The following STK10 variants were observed in gnomAD, a reference collection of about 807,000 sequenced individuals.
The protein encoded by STK10 is serine/threonine-protein kinase 10.
A neutral mutation model predicts 113.8 loss-of-function variants in STK10; 78 were observed. The ratio of observed to expected loss-of-function variants is 0.69; its 90% CI spans 0.57 to 0.83. The LOEUF (loss-of-function observed/expected upper bound fraction) is 0.83, where lower values mean the gene tolerates loss of function less well. Ranked by LOEUF, STK10 falls within the 40% of genes least tolerant of loss-of-function variation. STK10 has a pLI of 0.00. For missense variants in STK10, 1,109 were observed against 1,280.1 expected (o/e 0.87, Z 2.04); for synonymous variants, 465 against 494.7 (o/e 0.94, Z 0.80).
intron 16 of STK10, 124 bp downstream of exon 16, chr5:172,055,464 A>G (rs1767726858): frequency 1.9e-6 from 2 of 1,049,592 alleles, no homozygotes; most frequent in Non-Finnish European, 2.5e-6. Flanking sequence ...TGTTGGGATT[A>G]CAGACGTGAG....
At chr5:172,182,797 C>T (rs1043911923) in intron 1 of STK10, among the ~76,000 whole-genome samples, 34 of 152,004 alleles carry the variant, frequency 2.2e-4, no homozygotes, top group African/African-American at 8.2e-4. Flanking sequence ...CATGATCCAC[C>T]CAATTCAGCC....
At chr5:172,056,999 A>AGAG (rs1561790242) in intron 15 of STK10, 3 of 79,606 alleles carry the variant, frequency 3.8e-5, no homozygotes, top group African/African-American at 1.0e-4. Context: ...AAGAAAGAGA[A>AGAG]AGAAGGAAAG....
At chr5:172,057,009 G>GA (rs1491554887) in intron 15 of STK10, 49 of 121,924 alleles carry the variant, frequency 4.0e-4, no homozygotes, top group Non-Finnish European at 7.4e-4. Context: ...AAGAAGGAAA[G>GA]AAAGAAAGAA....
chr5:172,056,106 A>C (rs1767747895), intron 15 of STK10, among the ~76,000 whole-genome samples: 1 of 152,208 alleles, frequency 6.6e-6, no homozygotes, highest in Admixed American at 6.5e-5. Flanking sequence ...ATATGAACTT[A>C]TATTTTAAAA....
intron 2 of STK10, 41 bp downstream of exon 2, chr5:172,156,583 C>T (rs1471248807): frequency 6.9e-6 from 11 of 1,590,130 alleles, no homozygotes; most frequent in Admixed American, 1.7e-5. Context: ...GAGCACCAGG[C>T]CATGGGGGCT....
chr5:172,174,156 T>A (rs1477291706), intron 1 of STK10, among the ~76,000 whole-genome samples: 1 of 150,816 alleles, frequency 6.6e-6, no homozygotes, highest in Non-Finnish European at 1.5e-5. Flanking sequence ...TCAGCAGGTA[T>A]TTTTTGTTGT....
intron 15 of STK10, chr5:172,056,975 GAAAGAAAGAAAGAAAGAAAGA>G (rs1561790085): frequency 7.2e-5 from 7 of 97,100 alleles, no homozygotes; most frequent in African/African-American, 3.4e-4. Flanking sequence ...AAGAAAGAAA[GAAAGAAAGAAAGAAAGAAAGA>G]GAAAGAAGGA....
At chr5:172,063,653 GT>G (rs1178142393) in intron 13 of STK10, 2 of 148,130 alleles carry the variant, frequency 1.4e-5, no homozygotes, top group African/African-American at 5.3e-5. Context: ...CTTCCTAATC[GT>G]GCTGTAATGG....
At chr5:172,179,506 G>C (rs1770812916) in intron 1 of STK10, among the ~76,000 whole-genome samples, 1 of 152,174 alleles carries the variant, frequency 6.6e-6, no homozygotes. Flanking sequence ...GGGTCCATCT[G>C]TTTGTTTCGA....
intron 7 of STK10, among the ~76,000 whole-genome samples, chr5:172,100,840 C>T (rs188361338): frequency 4.6e-5 from 7 of 152,252 alleles, no homozygotes; most frequent in East Asian, 1.9e-4. Flanking sequence ...AGTTTTCAGG[C>T]GCTGGCATCT....
chr5:172,086,718 C>T (rs1368465332), intron 10 of STK10, among the ~76,000 whole-genome samples: 10 of 152,190 alleles, frequency 6.6e-5, no homozygotes, highest in Non-Finnish European at 1.5e-4. Context: ...CCTTCCACAC[C>T]CCTGTGGTCT....
At chr5:172,145,251 G>A (rs1770061233) in intron 2 of STK10, among the ~76,000 whole-genome samples, 1 of 152,214 alleles carries the variant, frequency 6.6e-6, no homozygotes, top group Non-Finnish European at 1.5e-5. Flanking sequence ...CCAGGCCCAT[G>A]CCCCTGCCCT....
At chr5:172,185,175 A>G (rs1770931760) in intron 1 of STK10, among the ~76,000 whole-genome samples, 1 of 152,280 alleles carries the variant, frequency 6.6e-6, no homozygotes, top group East Asian at 1.9e-4. Flanking sequence ...TTAAAGGAAG[A>G]TGAACCCTGT....
At chr5:172,147,344 A>T (rs577552641) in intron 2 of STK10, among the ~76,000 whole-genome samples, 1 of 152,124 alleles carries the variant, frequency 6.6e-6, no homozygotes, top group African/African-American at 2.4e-5. Context: ...TTGGAAAAAA[A>T]AGTGCACGGT....
intron 7 of STK10, among the ~76,000 whole-genome samples, chr5:172,102,205 G>T (rs1326217598): frequency 6.6e-6 from 1 of 152,158 alleles, no homozygotes; most frequent in Non-Finnish European, 1.5e-5. Flanking sequence ...TGCAATGGAG[G>T]GGTGGGAAAG....
chr5:172,168,339 C>A (rs936271646), intron 1 of STK10, among the ~76,000 whole-genome samples: 1 of 152,184 alleles, frequency 6.6e-6, no homozygotes, highest in Non-Finnish European at 1.5e-5. Flanking sequence ...GAGAAAACCA[C>A]GGTCACAGCA....
chr5:172,073,606 T>A (rs988592821), intron 12 of STK10, among the ~76,000 whole-genome samples: 2 of 151,852 alleles, frequency 1.3e-5, no homozygotes, highest in African/African-American at 4.8e-5. Flanking sequence ...CAGAAATTGA[T>A]TTTTTTTAAA....
At chr5:172,058,844 C>T (rs946766513) in intron 14 of STK10, among the ~76,000 whole-genome samples, 3 of 152,024 alleles carry the variant, frequency 2.0e-5, no homozygotes, top group Admixed American at 6.6e-5. Flanking sequence ...GAGCCAATAT[C>T]GTGCCACTGC....
At chr5:172,068,069 G>A (rs1055056403) in intron 12 of STK10, among the ~76,000 whole-genome samples, 10 of 152,220 alleles carry the variant, frequency 6.6e-5, no homozygotes, top group Non-Finnish European at 1.0e-4. Flanking sequence ...GGCCGGGCGC[G>A]GTGGCTCACG....
Sources: gnomAD v4.1 joint callset for allele counts (sites outside exome capture counted in the v4.1 genomes callset) on GRCh38, gnomAD v4.1.1 for gene constraint, MANE v1.5 for transcripts, NCBI Gene and HGNC (gene_info 2026-07-23, HGNC 2026-07-21) for gene names.